The following TNFRSF19 variants were observed in gnomAD, a reference collection of about 807,000 sequenced individuals.
TNFRSF19 encodes the protein TNF receptor superfamily member 19, also known as tumor necrosis factor receptor superfamily member 19.
A neutral mutation model predicts 46.4 loss-of-function variants in TNFRSF19; 27 were observed. That is an observed-to-expected ratio of 0.58 (90% CI 0.43 to 0.80). The LOEUF is 0.80. TNFRSF19 is among the 30% of genes least tolerant of loss of function. The probability of loss-of-function intolerance (pLI) is 0.00; values close to 1 mark genes in which losing one functional copy is unlikely to be tolerated. For missense variants in TNFRSF19, 511 were observed against 530.8 expected, an observed-to-expected ratio of 0.96 and a Z score of 0.37; for synonymous variants, 204 against 205.0, an observed-to-expected ratio of 1.00 and a Z score of 0.04.
At position 23,669,113 on chromosome 13, in the gene TNFRSF19, G is replaced by C; in HGVS notation, c.1245+16G>C. On this transcript the variant is annotated intron_variant, in intron 9 of 9. Transcript: ENST00000248484. ...GTCCCTCCAGGTAAGGCAGCGACTG[G>C]GTTCCCTGTGAACACAGCACTGACT... 2 of 1,610,826 alleles carry C rather than the reference G, an allele frequency of 1.2e-6. No individual in the cohort carries two copies. Among genetic ancestry groups the C allele is most frequent in the Non-Finnish European group, 1.7e-6 (2 of 1,178,796 alleles).
chr13:23,594,102 A>G, intron 3 of TNFRSF19: 1 of 340,722 alleles, frequency 2.9e-6, no homozygotes, highest in Non-Finnish European at 5.8e-6. Context: ...TGTCTGTGCA[A>G]CCCACAGACC....
Position 23,570,624 on chromosome 13 carries a change from T to A in TNFRSF19, c.-259T>A, listed in dbSNP as rs1316016268. 3 of 152,174 alleles carry A rather than the reference T, an allele frequency of 2.0e-5. No homozygotes were observed. The highest frequency in any genetic ancestry group is 4.4e-5 in the Non-Finnish European group (3 of 68,062). 9.4% of individuals were successfully genotyped at this position (152,174 alleles called of 1,614,324 possible). On this transcript the variant is annotated 5_prime_UTR_variant, in exon 1 of 10. Transcript: ENST00000248484. ...TGCTGAAAGTGAACTTTCTTTGATA[T>A]CCATGCATATATATAAACTCAGCCC...
At chr13:23,579,020 G>A (rs893382791) in intron 1 of TNFRSF19, among the ~76,000 whole-genome samples, 8 of 152,242 alleles carry the variant, frequency 5.3e-5, no homozygotes, top group African/African-American at 1.7e-4. Flanking sequence ...TGGGATGCGG[G>A]CCCACGCGGG....
rs552352703 is a variant in TNFRSF19 at position 23,663,915 on chromosome 13, C to T, written c.736+3425C>T. Among the ~76,000 whole-genome samples the T allele has an allele frequency of 2.6e-4, 39 of 151,746 alleles. 1 individual carries two copies. The South Asian group carries it at 6.9e-3, about 27-fold the overall frequency. Reference sequence around the variant, plus strand: ...TATTCTCTCTTATTAGTCCAGTTAGCGGCCTATATTATTTATTTCTTCAAA... The same window carrying T: ...TATTCTCTCTTATTAGTCCAGTTAGTGGCCTATATTATTTATTTCTTCAAA... On this transcript the variant is annotated intron_variant, in intron 7 of 9. Transcript: ENST00000248484.
At chr13:23,579,640 G>A (rs1306360539) in intron 1 of TNFRSF19, 2 of 152,372 alleles carry the variant, frequency 1.3e-5, no homozygotes, top group Admixed American at 6.5e-5. Context: ...CCCTAGGGAG[G>A]GAGGAGCGCA....
intron 3 of TNFRSF19, among the ~76,000 whole-genome samples, chr13:23,607,525 G>C (rs746051007): frequency 6.6e-6 from 1 of 152,054 alleles, no homozygotes; most frequent in African/African-American, 2.4e-5. Context: ...TAGAATTTTG[G>C]TTACCTATGG....
chr13:23,616,193 CACTGGATTAT>C, intron 4 of TNFRSF19, 148 bp downstream of exon 4: 1 of 812,090 alleles, frequency 1.2e-6, no homozygotes, highest in Non-Finnish European at 1.8e-6. Context: ...CAGTATTAAC[CACTGGATTAT>C]CTGTGGTACC....
intron 1 of TNFRSF19, among the ~76,000 whole-genome samples, chr13:23,575,471 T>A (rs1877892263): frequency 6.6e-6 from 1 of 152,232 alleles, no homozygotes; most frequent in Non-Finnish European, 1.5e-5. Context: ...AGGAAGTCAC[T>A]GGGCATTGGC....
At chr13:23,614,327 C>A (rs531740226) in intron 3 of TNFRSF19, among the ~76,000 whole-genome samples, 6 of 152,194 alleles carry the variant, frequency 3.9e-5, no homozygotes, top group African/African-American at 1.4e-4. Context: ...TCCTCCGAAT[C>A]CTTTGTTGAG....
At chr13:23,638,211 G>GTCCGTAGACTATTAAA (rs1882816232) in intron 5 of TNFRSF19, among the ~76,000 whole-genome samples, 3 of 151,548 alleles carry the variant, frequency 2.0e-5, no homozygotes, top group Admixed American at 6.5e-5. Flanking sequence ...TGCGGGTAGG[G>GTCCGTAGACTATTAAA]AAGGTTCCTT....
chr13:23,634,544 A>T (rs1882555417), intron 5 of TNFRSF19, among the ~76,000 whole-genome samples: 1 of 152,260 alleles, frequency 6.6e-6, no homozygotes, highest in African/African-American at 2.4e-5. Context: ...CTGTGGACTT[A>T]GTGAAATAAG....
At chr13:23,671,585 G>A (rs1437235918) in intron 9 of TNFRSF19, among the ~76,000 whole-genome samples, 1 of 151,896 alleles carries the variant, frequency 6.6e-6, no homozygotes, top group Non-Finnish European at 1.5e-5. Context: ...AGGCCTTTGG[G>A]GGCCTGGTCC....
In TNFRSF19 at chr13:23,675,254, T is replaced by C. The variant is rs1164179929; in HGVS notation, c.*1874T>C. On this transcript the variant is annotated 3_prime_UTR_variant, in exon 10 of 10. Coordinates refer to ENST00000248484, the MANE Select transcript of TNFRSF19 (RefSeq NM_148957.4). ...TGCCACTGTTTGAAATCTGGTCTGT[T>C]TGCATTTCTGTTATGACAGAGAGAT... The C allele has an allele frequency of 6.6e-6, 1 of 151,574 alleles. No individual in the cohort carries two copies. Among genetic ancestry groups the C allele is most frequent in the African/African-American group, 2.4e-5 (1 of 40,842 alleles). The allele number at this position is 151,574 out of a possible 1,614,324, so 9.4% of individuals were successfully genotyped here.
intron 3 of TNFRSF19, 103 bp downstream of exon 3, chr13:23,593,558 A>T (rs1879479064): frequency 1.2e-6 from 1 of 803,692 alleles, no homozygotes; most frequent in Admixed American, 2.8e-5. Context: ...GGATACCATG[A>T]CAGAATTATT....
intron 5 of TNFRSF19, among the ~76,000 whole-genome samples, chr13:23,654,236 G>A (rs1475284845): frequency 6.6e-6 from 1 of 152,206 alleles, no homozygotes; most frequent in African/African-American, 2.4e-5. Context: ...AGCAAGTAGG[G>A]AGTAGCAGTA....
chr13:23,584,009 A>G (rs1333221507), intron 1 of TNFRSF19, among the ~76,000 whole-genome samples: 1 of 152,212 alleles, frequency 6.6e-6, no homozygotes, highest in African/African-American at 2.4e-5. Context: ...AGAGAAATAA[A>G]AAGAATTAGT....
At chr13:23,671,490 A>G (rs931929598) in intron 9 of TNFRSF19, among the ~76,000 whole-genome samples, 3 of 140,998 alleles carry the variant, frequency 2.1e-5, no homozygotes, top group Non-Finnish European at 4.6e-5. Context: ...TTACGAGATA[A>G]TCATTTCCAG....
intron 5 of TNFRSF19, among the ~76,000 whole-genome samples, chr13:23,633,993 T>C (rs970314038): frequency 2.2e-4 from 33 of 152,258 alleles, no homozygotes; most frequent in African/African-American, 7.5e-4. Context: ...CAAACACTTA[T>C]TCTCCAGATA....
chr13:23,634,425 C>A (rs1207349128), intron 5 of TNFRSF19, among the ~76,000 whole-genome samples: 1 of 152,174 alleles, frequency 6.6e-6, no homozygotes, highest in Non-Finnish European at 1.5e-5. Flanking sequence ...TATTTACTCA[C>A]AATCAACAGG....
Sources: allele counts gnomAD v4.1 joint callset (sites outside exome capture counted in the v4.1 genomes callset), GRCh38; gene constraint gnomAD v4.1.1; transcripts MANE v1.5; gene names NCBI Gene and HGNC (gene_info 2026-07-23, HGNC 2026-07-21).